AIM2: variants seen among roughly 807,000 people sequenced by gnomAD.
AIM2 encodes absent in melanoma 2.
Under a neutral mutation model 27.7 loss-of-function variants are expected in AIM2, and 30 were observed. The observed-to-expected ratio is 1.08, with a 90% CI of 0.81 to 1.47. The LOEUF is 1.47. Among genes scored for constraint, AIM2 ranks in the 40% most tolerant of loss-of-function variants. The probability of loss-of-function intolerance (pLI) is 0.00; values close to 1 mark genes in which losing one functional copy is unlikely to be tolerated. For missense variants in AIM2, 358 were observed against 411.3 expected (o/e 0.87, Z 1.12); for synonymous variants, 141 against 145.3 (o/e 0.97, Z 0.21).
At chr1:159,128,619 T>A (rs568561457) in intron 1 of AIM2, among the ~76,000 whole-genome samples, 9 of 152,226 alleles carry the variant, frequency 5.9e-5, no homozygotes, top group African/African-American at 2.2e-4. Context: ...CCTCTGCCTT[T>A]GTCCTTCCTT....
At chr1:159,103,227 G>A (rs1432831841) in intron 1 of AIM2, among the ~76,000 whole-genome samples, 9 of 152,216 alleles carry the variant, frequency 5.9e-5, no homozygotes, top group Non-Finnish European at 1.0e-4. Flanking sequence ...GTGAAGAAAC[G>A]CCTCCACCAT....
chr1:159,068,785 C>T, intron 2 of AIM2, 84 bp from the exon 3 acceptor site: 1 of 1,343,876 alleles, frequency 7.4e-7, no homozygotes, highest in African/African-American at 1.5e-5. Context: ...GGAATAAATA[C>T]TAAAACCATA....
chr1:159,112,637 A>C (rs891242198), intron 1 of AIM2, among the ~76,000 whole-genome samples: 6 of 152,226 alleles, frequency 3.9e-5, no homozygotes, highest in Non-Finnish European at 7.3e-5. Context: ...ATGTCACAAC[A>C]AATTTCAAAA....
downstream of AIM2, among the ~76,000 whole-genome samples, chr1:159,062,167 T>C (rs1236125485): frequency 1.3e-5 from 2 of 152,254 alleles, no homozygotes; most frequent in Admixed American, 1.3e-4. Flanking sequence ...CATTGGGCTT[T>C]ATGCTTATTC....
intron 1 of AIM2, among the ~76,000 whole-genome samples, chr1:159,130,644 T>C (rs1647844030): frequency 6.6e-6 from 1 of 151,900 alleles, no homozygotes; most frequent in South Asian, 2.1e-4. Context: ...TTTATCCTCT[T>C]CTCTCTCTTT....
chr1:159,071,644 G>A (rs1360780764), intron 2 of AIM2, among the ~76,000 whole-genome samples: 1 of 152,168 alleles, frequency 6.6e-6, no homozygotes, highest in Middle Eastern at 3.2e-3. Context: ...CAAGTAGCTG[G>A]CATTACAGAT....
chr1:159,092,013 T>G (rs191948514), intron 1 of AIM2, among the ~76,000 whole-genome samples: 2 of 152,212 alleles, frequency 1.3e-5, no homozygotes, highest in Non-Finnish European at 2.9e-5. Context: ...ATGTTCAAAT[T>G]AAGGAAAAAA....
upstream of AIM2, among the ~76,000 whole-genome samples, chr1:159,078,450 T>C (rs987675170): frequency 6.6e-6 from 1 of 152,178 alleles, no homozygotes; most frequent in Admixed American, 6.5e-5. Flanking sequence ...GTGAAGTGTA[T>C]GAATTTGGTA....
At chr1:159,142,211 G>A (rs1648126765), upstream of AIM2, among the ~76,000 whole-genome samples, 1 of 152,162 alleles carries the variant, frequency 6.6e-6, no homozygotes, top group Admixed American at 6.5e-5. Context: ...AGCAGAGAAT[G>A]GCAGCTGAGT....
At chr1:159,111,882 CTAT>C (rs1657585502) in intron 1 of AIM2, among the ~76,000 whole-genome samples, 1 of 124,282 alleles carries the variant, frequency 8.0e-6, no homozygotes, top group Non-Finnish European at 1.7e-5. Flanking sequence ...ATCTATCTAT[CTAT>C]ACATATATTA....
chr1:159,127,292 A>G lies in AIM2; in HGVS notation c.-16+13139T>C, dbSNP rs999537731. On this transcript the variant is annotated intron_variant, in intron 1 of 2. Coordinates refer to the AIM2 transcript ENST00000368129. Reference sequence around the variant, plus strand: ...CTAGGGTATGTATAATTTATTTCACAATAAAAAATTAATGTAACCCAAATG... The same window carrying G: ...CTAGGGTATGTATAATTTATTTCACGATAAAAAATTAATGTAACCCAAATG... 3.9e-5 allele frequency among the ~76,000 whole-genome samples: 6 copies of G among 152,344 alleles called. No individual in the cohort carries two copies. The East Asian group carries it at 9.6e-4, about 24-fold the overall frequency.
intron 1 of AIM2, among the ~76,000 whole-genome samples, chr1:159,126,499 A>G (rs1220119485): frequency 2.6e-5 from 4 of 152,056 alleles, no homozygotes; most frequent in African/African-American, 7.2e-5. Context: ...TACAAAAAAA[A>G]TTAGCTGGGT....
rs547014280 is a variant in AIM2, at chr1:159,133,162, ACTTG to A, written c.-16+7265_-16+7268del. ...CAAAAACCTTGGCTTCTATTTATGT[ACTTG>A]CTCTTGTTCTCTCTCTCTCTCTCTC... On this transcript the variant is annotated intron_variant, in intron 1 of 2. Coordinates refer to the AIM2 transcript ENST00000368129. 8.7e-4 allele frequency among the ~76,000 whole-genome samples: 133 copies of A among 152,192 alleles called. No individual in the cohort carries two copies. In the South Asian group the frequency reaches 0.015, roughly 18 times the overall value.
At chr1:159,058,593 G>T (rs1655729132), downstream of AIM2, among the ~76,000 whole-genome samples, 1 of 152,088 alleles carries the variant, frequency 6.6e-6, no homozygotes, top group Non-Finnish European at 1.5e-5. Context: ...GACAACGGGG[G>T]TGGGGGCATG....
At chr1:159,118,949 C>T (rs2102037414) in intron 1 of AIM2, among the ~76,000 whole-genome samples, 1 of 152,218 alleles carries the variant, frequency 6.6e-6, no homozygotes, top group Middle Eastern at 3.4e-3. Flanking sequence ...ACACAGATTT[C>T]TTGCTCACAG....
intron 1 of AIM2, among the ~76,000 whole-genome samples, chr1:159,121,677 G>T (rs779764134): frequency 6.6e-6 from 1 of 152,134 alleles, no homozygotes; most frequent in Non-Finnish European, 1.5e-5. Context: ...TGACTGCAGG[G>T]TGCTCCACTG....
At position 159,112,160 on chromosome 1, in the gene AIM2, T is replaced by G. The variant is rs180973345; in HGVS notation, c.-16+28271A>C. On this transcript the variant is annotated intron_variant, in intron 1 of 2. Coordinates refer to the AIM2 transcript ENST00000368129. ...CACAATGTCAGACTGGAATAAGACATACTCCAGTTCCTATGCTATTTAAAA... is the reference window on the plus strand; with the variant it reads ...CACAATGTCAGACTGGAATAAGACAGACTCCAGTTCCTATGCTATTTAAAA... Among the ~76,000 whole-genome samples, 443 of 152,282 alleles carry G rather than the reference T, an allele frequency of 2.9e-3. 3 individuals are homozygous for G. The highest frequency in any genetic ancestry group is 4.7e-3 in the Non-Finnish European group (319 of 68,022).
At chr1:159,114,548 C>T (rs1420024269) in intron 1 of AIM2, among the ~76,000 whole-genome samples, 2 of 152,142 alleles carry the variant, frequency 1.3e-5, no homozygotes, top group Non-Finnish European at 2.9e-5. Flanking sequence ...AAAACCCTGC[C>T]TCTACAAAAA....
intron 1 of AIM2, among the ~76,000 whole-genome samples, chr1:159,088,680 A>C (rs764083310): frequency 5.9e-5 from 9 of 152,118 alleles, no homozygotes; most frequent in Non-Finnish European, 1.2e-4. Context: ...TCATGAATGG[A>C]TTAATGGCTT....
Sources: gnomAD v4.1 joint callset for allele counts (sites outside exome capture counted in the v4.1 genomes callset) on GRCh38, gnomAD v4.1.1 for gene constraint, MANE v1.5 for transcripts, NCBI Gene and HGNC (gene_info 2026-07-23, HGNC 2026-07-21) for gene names.